Variants in ADPRHL1 observed in about 807,000 individuals in gnomAD.
The protein encoded by ADPRHL1 is inactive ADP-ribosyltransferase ARH2.
A neutral mutation model predicts 44.1 loss-of-function variants in ADPRHL1; 43 were observed. The ratio of observed to expected loss-of-function variants is 0.98; its 90% CI spans 0.76 to 1.26. The LOEUF is 1.26. Ranked by LOEUF, ADPRHL1 falls within the 50% of genes most tolerant of loss-of-function variation. ADPRHL1 has a pLI of 0.00. For synonymous variants in ADPRHL1, 878 were observed against 1,017.4 expected, an observed-to-expected ratio of 0.86 and a Z score of 2.61; for missense variants, 2,022 against 2,496.9, an observed-to-expected ratio of 0.81 and a Z score of 4.05.
chr13:113,436,429 G>A (rs1171227382), intron 2 of ADPRHL1, among the ~76,000 whole-genome samples: 25 of 5,998 alleles, frequency 4.2e-3, no homozygotes, highest in East Asian at 6.2e-3. Flanking sequence ...GAACATAGGT[G>A]TACCCCGGGA....
chr13:113,401,371 C>G lies in ADPRHL1; in HGVS notation c.*2007G>C, dbSNP rs1486581682. 1.3e-5 allele frequency: 2 copies of G among 152,262 alleles called. No individual in the cohort carries two copies. The highest frequency in any genetic ancestry group is 2.9e-5 in the Non-Finnish European group (2 of 68,144). The allele number at this position is 152,262 out of a possible 1,614,324, so 9.4% of individuals were successfully genotyped here. Reference sequence around the variant, plus strand: ...CCGTGTGCTTCGTGAGAGAGGGGACCCTGTCCTCCTAGCAGGGGTCCAGCG... The same window carrying G: ...CCGTGTGCTTCGTGAGAGAGGGGACGCTGTCCTCCTAGCAGGGGTCCAGCG... On this transcript the variant is annotated 3_prime_UTR_variant, in exon 8 of 8. Coordinates refer to ENST00000612156, the MANE Select transcript of ADPRHL1 (RefSeq NM_001394807.1). The surrounding 1 kb of genome is among the most constrained non-coding windows in gnomAD (Gnocchi z 5.5).
intron 3 of ADPRHL1, 28 bp downstream of exon 3, chr13:113,433,714 C>T (rs2139632933): frequency 2.6e-6 from 4 of 1,567,314 alleles, no homozygotes; most frequent in African/African-American, 1.4e-5. Context: ...CCACGCTGAC[C>T]TCCCTCCCAC....
intron 1 of ADPRHL1, among the ~76,000 whole-genome samples, chr13:113,446,543 A>G (rs2044139191): frequency 6.6e-6 from 1 of 151,164 alleles, no homozygotes; most frequent in Non-Finnish European, 1.5e-5. Context: ...CTATACTCAC[A>G]GCATTGTCTA....
At position 113,404,732 on chromosome 13, in the gene ADPRHL1, T is replaced by C; in HGVS notation, c.4550A>G (p.Gln1517Arg). 5.5e-6 allele frequency: 7 copies of C among 1,278,410 alleles called. No homozygotes were observed. The highest frequency in any genetic ancestry group is 6.9e-6 in the Non-Finnish European group (7 of 1,018,144). 79.2% of individuals were successfully genotyped at this position (1,278,410 alleles called of 1,614,324 possible). The part of the protein sequence containing the change: ...QAQWQTQIEA[Q>R]GQAQEQAQGG... ...CTGAGCCTGTTCCTGTGCCTGCCCC[T>C]GGGCCTCTATCTGGGTCTGCCACTG... Residue 1517 changes from glutamine to arginine, a missense_variant, in exon 8 of 8, where the codon CAG (glutamine) becomes CGG (arginine). Coordinates refer to ENST00000612156, the MANE Select transcript of ADPRHL1 (RefSeq NM_001394807.1).
chr13:113,444,402 G>C (rs776312100), intron 2 of ADPRHL1, 23 bp downstream of exon 2: 1 of 1,610,126 alleles, frequency 6.2e-7, no homozygotes, highest in East Asian at 2.2e-5. Context: ...GGCTTTAGGG[G>C]GAGAGGAGAG....
chr13:113,432,383 G>C (rs2044013370), intron 3 of ADPRHL1, among the ~76,000 whole-genome samples: 3 of 152,188 alleles, frequency 2.0e-5, no homozygotes, highest in African/African-American at 7.2e-5. Flanking sequence ...CCAAAGTGCT[G>C]GGATCACAGG....
At chr13:113,443,439 C>T (rs550454819) in intron 2 of ADPRHL1, among the ~76,000 whole-genome samples, 179 of 146,296 alleles carry the variant, frequency 1.2e-3, no homozygotes, top group African/African-American at 4.7e-3. Context: ...GAAACCCCTT[C>T]TCTACAGAAA....
At chr13:113,433,707 C>T (rs762548656) in intron 3 of ADPRHL1, 35 bp downstream of exon 3, 125 of 1,558,804 alleles carry the variant, frequency 8.0e-5, no homozygotes, top group Non-Finnish European at 9.9e-5. Flanking sequence ...CCGCACTCCA[C>T]GCTGACCTCC....
chr13:113,414,543 A>G (rs976525827), intron 7 of ADPRHL1, among the ~76,000 whole-genome samples: 1 of 151,798 alleles, frequency 6.6e-6, no homozygotes, highest in African/African-American at 2.4e-5. Flanking sequence ...CTGGGGGCAC[A>G]CATCCTGGCT....
intron 4 of ADPRHL1, among the ~76,000 whole-genome samples, chr13:113,427,175 G>A (rs1444209643): frequency 6.6e-6 from 1 of 152,220 alleles, no homozygotes; most frequent in East Asian, 1.9e-4. Context: ...AGGGGAGGAG[G>A]TTTTGCTGGT....
In ADPRHL1 at chr13:113,407,546, TTCC is replaced by T. The variant is rs1252813053; in HGVS notation, c.1733_1735del (p.Arg578del). On this transcript the variant is annotated inframe_deletion, in exon 8 of 8. Coordinates refer to ENST00000612156, the MANE Select transcript of ADPRHL1 (RefSeq NM_001394807.1). ...CCGGTGCATCCTCTTCCTCTGCAGG[TTCC>T]TCTTCTTCCGCTCCTGCGTGTGCAG... The T allele has an allele frequency of 8.1e-7, 1 of 1,232,048 alleles. No homozygotes were observed. Among genetic ancestry groups the T allele is most frequent in the Non-Finnish European group, 1.0e-6 (1 of 988,076 alleles). The allele number at this position is 1,232,048 out of a possible 1,614,324, so 76.3% of individuals were successfully genotyped here.
In ADPRHL1 at chr13:113,441,021, T is replaced by C. The variant is rs1027740820; in HGVS notation, c.379+3404A>G. On this transcript the variant is annotated intron_variant, in intron 2 of 7. Transcript: ENST00000612156. The surrounding 1 kb of genome is among the most constrained non-coding windows in gnomAD (Gnocchi z 6.0). Reference sequence around the variant, plus strand: ...TTCAAAAATTAGCCAGGTGTGGTGGTGGGCGCCCGTAGTCCCAGCTACTTG... The same window carrying C: ...TTCAAAAATTAGCCAGGTGTGGTGGCGGGCGCCCGTAGTCCCAGCTACTTG... Among the ~76,000 whole-genome samples, 2 of 152,014 alleles carry C rather than the reference T, an allele frequency of 1.3e-5. No individual in the cohort carries two copies. The highest frequency in any genetic ancestry group is 6.6e-5 in the Admixed American group (1 of 15,258).
chr13:113,418,450 C>T (rs574384566), intron 7 of ADPRHL1, among the ~76,000 whole-genome samples: 52 of 152,320 alleles, frequency 3.4e-4, no homozygotes, highest in African/African-American at 1.2e-3. Flanking sequence ...GGAAGGACAG[C>T]TCTGCCATGG....
At chr13:113,410,270 C>T (rs535102525) in intron 7 of ADPRHL1, among the ~76,000 whole-genome samples, 12 of 152,276 alleles carry the variant, frequency 7.9e-5, no homozygotes, top group African/African-American at 1.4e-4. Context: ...CCCCAAACCC[C>T]GGTGGGCATC....
chr13:113,446,084 C>T (rs2044135134), intron 1 of ADPRHL1, among the ~76,000 whole-genome samples: 1 of 141,384 alleles, frequency 7.1e-6, no homozygotes, highest in Non-Finnish European at 1.5e-5. Flanking sequence ...CTCCTCACCT[C>T]CTACCACAGA....
intron 7 of ADPRHL1, among the ~76,000 whole-genome samples, chr13:113,410,516 A>G (rs913431385): frequency 2.0e-5 from 3 of 152,248 alleles, no homozygotes; most frequent in Admixed American, 2.0e-4. Flanking sequence ...GCAAGGCCAC[A>G]GTGTGCTGCG....
In ADPRHL1 at chr13:113,428,960, T is replaced by A; in HGVS notation, c.638A>T (p.His213Leu). Reference sequence around the variant, plus strand: ...CCGGGGGAGCGGCTCACCTGCCGTGTGCCGGATGGTCTTCCTGCAGTACTC... The same window carrying A: ...CCGGGGGAGCGGCTCACCTGCCGTGAGCCGGATGGTCTTCCTGCAGTACTC... Reference protein sequence around the residue: ...AEEYCRKTIRHTAEYQEHWFY... With the variant: ...AEEYCRKTIRLTAEYQEHWFY... The change falls in exon 4 of 8, where the codon CAC (histidine) becomes CTC (leucine). Residue 213 changes from histidine (H) to leucine (L), a missense_variant. Coordinates refer to ENST00000612156, the MANE Select transcript of ADPRHL1 (RefSeq NM_001394807.1). 1 of 1,612,594 alleles carries A rather than the reference T, an allele frequency of 6.2e-7. No homozygotes were observed. The highest frequency in any genetic ancestry group is 8.5e-7 in the Non-Finnish European group (1 of 1,179,988).
chr13:113,406,562 C>CCTGAAA lies in ADPRHL1; in HGVS notation c.2714_2719dup (p.Ser906_Gly907insValSer). The CCTGAAA allele has an allele frequency of 8.1e-7, 1 of 1,232,090 alleles. No homozygotes were observed. Among genetic ancestry groups the CCTGAAA allele is most frequent in the African/African-American group, 1.5e-5 (1 of 64,546 alleles). The allele number at this position is 1,232,090 out of a possible 1,614,324, so 76.3% of individuals were successfully genotyped here. ...AGAGGCGCTGAGTCCCGCCTGCATC[C>CCTGAAA]CTGAAAGCTTGCTCAGTTCCACTGG... On this transcript the variant is annotated inframe_insertion, in exon 8 of 8. Coordinates refer to ENST00000612156, the MANE Select transcript of ADPRHL1 (RefSeq NM_001394807.1).
rs1452977678 is a variant in ADPRHL1, at chr13:113,403,335, G to A, written c.*43C>T. Reference sequence around the variant, plus strand: ...AAATGCCTGAAGTCCCTCAATGGGCGGATGTCACAGTGCTGGGCGAGCCAC... The same window carrying A: ...AAATGCCTGAAGTCCCTCAATGGGCAGATGTCACAGTGCTGGGCGAGCCAC... On this transcript the variant is annotated 3_prime_UTR_variant, in exon 8 of 8. Transcript: ENST00000612156. The A allele has an allele frequency of 8.1e-6, 10 of 1,230,504 alleles. No individual in the cohort carries two copies. The highest frequency in any genetic ancestry group is 4.2e-5 in the Admixed American group (1 of 23,724). 76.2% of individuals were successfully genotyped at this position (1,230,504 alleles called of 1,614,324 possible). A position where few individuals can be genotyped will look rare whatever the true frequency, so the allele number is the denominator to read the frequency against.
Sources: allele counts gnomAD v4.1 joint callset (sites outside exome capture counted in the v4.1 genomes callset), GRCh38; gene constraint gnomAD v4.1.1; non-coding constraint Gnocchi (gnomAD v3.1); transcripts MANE v1.5; gene names NCBI Gene and HGNC (gene_info 2026-07-23, HGNC 2026-07-21).